The following LCT variants were observed in gnomAD, a reference collection of about 807,000 sequenced individuals.
The protein encoded by LCT is lactase/phlorizin hydrolase.
LCT carries 90 observed loss-of-function variants against 173.0 expected under a neutral mutation model. The ratio of observed to expected loss-of-function variants is 0.52; its 90% CI spans 0.44 to 0.62. LCT has a LOEUF of 0.62. LCT is among the 20% of genes least tolerant of loss of function. The pLI, the probability that LCT is intolerant of heterozygous loss-of-function variation, is 0.00. For synonymous variants in LCT, 853 were observed against 957.6 expected, an observed-to-expected ratio of 0.89 and a Z score of 2.02; for missense variants, 1,864 against 2,431.4, an observed-to-expected ratio of 0.77 and a Z score of 4.91.
At chr2:135,822,394 G>A (rs1338482864) in intron 4 of LCT, 1 of 397,872 alleles carries the variant, frequency 2.5e-6, no homozygotes, top group Non-Finnish European at 4.7e-6. Flanking sequence ...GTCTCAAGTA[G>A]GGCTCAAGAA....
At chr2:135,836,309 A>G (rs549685335) in intron 1 of LCT, among the ~76,000 whole-genome samples, 1 of 152,182 alleles carries the variant, frequency 6.6e-6, no homozygotes, top group East Asian at 1.9e-4. Context: ...GTGAGCCTCA[A>G]AGATATTTTT....
intron 14 of LCT, chr2:135,794,334 G>A (rs2077560406): frequency 3.5e-6 from 1 of 283,362 alleles, no homozygotes; most frequent in East Asian, 6.9e-5. Flanking sequence ...TAACAACCAA[G>A]CATTTTTAGA....
rs188749484 is a variant in LCT, at chr2:135,794,063, C to T, written c.5111+578G>A. Among the ~76,000 whole-genome samples the T allele has an allele frequency of 5.3e-5, 8 of 151,944 alleles. No individual in the cohort carries two copies. The East Asian group carries it at 1.4e-3, about 26-fold the overall frequency. On this transcript the variant is annotated intron_variant, in intron 14 of 16. Transcript: ENST00000264162. Reference sequence around the variant, plus strand: ...CTGAGGCAGGGGAATCACTGGAACCCGGGTGGTGGAGGTTGCAGTGAGCCA... The same window carrying T: ...CTGAGGCAGGGGAATCACTGGAACCTGGGTGGTGGAGGTTGCAGTGAGCCA...
intron 11 of LCT, among the ~76,000 whole-genome samples, chr2:135,802,155 A>T (rs1435050858): frequency 6.6e-5 from 10 of 152,152 alleles, no homozygotes; most frequent in Admixed American, 5.2e-4. Context: ...ACCAATGGAG[A>T]TGCCTCTGAT....
chr2:135,808,037 C>G (rs1441413607), intron 8 of LCT, among the ~76,000 whole-genome samples: 1 of 150,842 alleles, frequency 6.6e-6, no homozygotes, highest in Non-Finnish European at 1.5e-5. Context: ...AAGACTCCAT[C>G]TCAAAAAAAA....
chr2:135,805,351 TG>T (rs1226053149), intron 9 of LCT, among the ~76,000 whole-genome samples: 1 of 152,128 alleles, frequency 6.6e-6, no homozygotes, highest in Non-Finnish European at 1.5e-5. Context: ...GAGCCTGCTC[TG>T]GCCCCTGCTC....
intron 15 of LCT, 86 bp from the exon 16 acceptor site, chr2:135,789,884 T>G: frequency 9.7e-7 from 1 of 1,026,046 alleles, no homozygotes; most frequent in Admixed American, 1.7e-5. Context: ...GTCTGCCTAC[T>G]GCTCTCCCCA....
intron 1 of LCT, among the ~76,000 whole-genome samples, chr2:135,834,713 G>A (rs199775007): frequency 1.4e-5 from 2 of 138,198 alleles, no homozygotes; most frequent in East Asian, 2.2e-4. Flanking sequence ...GCTTGAACTC[G>A]GGAGGCAGAG....
chr2:135,824,828 C>T lies in LCT; in HGVS notation c.805-825G>A, dbSNP rs140617979. 2.0e-4 allele frequency among the ~76,000 whole-genome samples: 30 copies of T among 151,638 alleles called. 1 individual carries two copies. In the East Asian group the frequency reaches 5.9e-3, roughly 30 times the overall value. On this transcript the variant is annotated intron_variant, in intron 3 of 16. Transcript: ENST00000264162. ...GACCAGCCTGATCAACATGGTGAAA[C>T]CCTGTCTTTATCAAAAATACAAAAA...
In LCT at chr2:135,807,362, A is replaced by G. The variant is rs780660591; in HGVS notation, c.3939T>C (p.Tyr1313=). ...AGTTGTCCATCAGAGACCAGGCGAC[A>G]TACCCTCGAAGGTCTATACCATCGA... ...YRLDGIDLRG[Y]VAWSLMDNFE... is the part of the protein sequence containing the mutation. The change falls in exon 9 of 17, where the codon TAT becomes TAC. Residue 1313 remains tyrosine, a synonymous_variant. Coordinates refer to ENST00000264162, the MANE Select transcript of LCT (RefSeq NM_002299.4). 1.2e-6 allele frequency: 2 copies of G among 1,614,202 alleles called. No homozygotes were observed. The highest frequency in any genetic ancestry group is 2.2e-5 in the East Asian group (1 of 44,878).
intron 13 of LCT, 48 bp downstream of exon 13, chr2:135,797,981 G>T: frequency 1.9e-6 from 2 of 1,031,676 alleles, no homozygotes; most frequent in Non-Finnish European, 3.1e-6. Context: ...ACATGCCTCT[G>T]TGACCCCGAC....
chr2:135,823,526 G>A (rs2077855035), intron 4 of LCT, among the ~76,000 whole-genome samples: 1 of 152,184 alleles, frequency 6.6e-6, no homozygotes, highest in Non-Finnish European at 1.5e-5. Context: ...AGTGGAGAGG[G>A]CTGGCTGGAG....
At chr2:135,812,165 G>C (rs2077739675) in intron 7 of LCT, 146 bp downstream of exon 7, 1 of 742,500 alleles carries the variant, frequency 1.3e-6, no homozygotes, top group Admixed American at 1.9e-5. Context: ...AAGAGAGTTA[G>C]GGAGCTGACG....
chr2:135,822,127 A>G (rs902999982), intron 4 of LCT, 29 bp from the exon 5 acceptor site: 1 of 1,281,476 alleles, frequency 7.8e-7, no homozygotes, highest in African/African-American at 1.5e-5. Flanking sequence ...AATTAACTCT[A>G]TGTAAATGCC....
At chr2:135,806,668 G>C (rs540590501) in intron 9 of LCT, among the ~76,000 whole-genome samples, 34 of 152,310 alleles carry the variant, frequency 2.2e-4, no homozygotes, top group African/African-American at 7.0e-4. Context: ...ACAGTAACAG[G>C]CTGTACAGGT....
At chr2:135,800,903 G>T in intron 11 of LCT, 94 bp from the exon 12 acceptor site, 2 of 958,670 alleles carry the variant, frequency 2.1e-6, no homozygotes, top group African/African-American at 1.6e-5. Context: ...CTCTGTGTTT[G>T]GGAGAAGGGG....
chr2:135,788,223 A>G lies in LCT; in HGVS notation c.*101T>C. 3.6e-6 allele frequency: 3 copies of G among 833,178 alleles called. No individual in the cohort carries two copies. The highest frequency in any genetic ancestry group is 6.2e-6 in the Non-Finnish European group (3 of 485,440). 51.6% of individuals were successfully genotyped at this position (833,178 alleles called of 1,614,324 possible). On this transcript the variant is annotated 3_prime_UTR_variant, in exon 17 of 17. Transcript: ENST00000264162. ...ACGGTGCAGCAGGACTTTATGGAGAAGTCCAGTATCAGCAGAGTCTAAGAC... is the reference window on the plus strand; with the variant it reads ...ACGGTGCAGCAGGACTTTATGGAGAGGTCCAGTATCAGCAGAGTCTAAGAC...
chr2:135,833,736 G>A (rs1251439954), intron 1 of LCT, among the ~76,000 whole-genome samples: 5 of 151,740 alleles, frequency 3.3e-5, no homozygotes, highest in African/African-American at 7.3e-5. Flanking sequence ...GTGAGCCACC[G>A]CGCCCGGCCA....
intron 7 of LCT, among the ~76,000 whole-genome samples, chr2:135,810,976 G>A (rs565925141): frequency 1.2e-3 from 189 of 151,624 alleles, no homozygotes; most frequent in African/African-American, 4.3e-3. Flanking sequence ...GCAGTGAGCT[G>A]AGATCGCGCC....
Sources: allele counts gnomAD v4.1 joint callset (sites outside exome capture counted in the v4.1 genomes callset), GRCh38; gene constraint gnomAD v4.1.1; transcripts MANE v1.5; gene names NCBI Gene and HGNC (gene_info 2026-07-23, HGNC 2026-07-21).